Variants in LIMS1 observed in about 807,000 individuals in gnomAD.
LIMS1 encodes LIM zinc finger domain containing 1.
A neutral mutation model predicts 44.1 loss-of-function variants in LIMS1; 18 were observed. The ratio of observed to expected loss-of-function variants is 0.41; its 90% CI spans 0.28 to 0.61. The LOEUF is 0.61. Among genes scored for constraint, LIMS1 ranks in the 20% least tolerant of loss-of-function variants. LIMS1 has a pLI of 0.32. For missense variants in LIMS1, 201 were observed against 422.0 expected, an observed-to-expected ratio of 0.48 and a Z score of 4.59; for synonymous variants, 93 against 149.1, an observed-to-expected ratio of 0.62 and a Z score of 2.74.
intron 1 of LIMS1, among the ~76,000 whole-genome samples, chr2:108,640,796 T>C (rs1303356252): frequency 7.9e-5 from 12 of 152,240 alleles, no homozygotes; most frequent in Non-Finnish European, 2.9e-5. Context: ...TTTAGAACTT[T>C]CACAATCCTC....
chr2:108,552,841 G>A (rs1010709179), intron 1 of LIMS1, among the ~76,000 whole-genome samples: 2 of 152,028 alleles, frequency 1.3e-5, no homozygotes, highest in African/African-American at 4.8e-5. Flanking sequence ...GCCTCCCAAA[G>A]TGCTGGAATT....
At chr2:108,673,318 T>G (rs1558840821) in intron 5 of LIMS1, 1 of 494,920 alleles carries the variant, frequency 2.0e-6, no homozygotes, top group Non-Finnish European at 3.6e-6. Flanking sequence ...CTAAAATTTC[T>G]CATGAGTCCC....
intron 1 of LIMS1, among the ~76,000 whole-genome samples, chr2:108,572,318 C>T (rs1213105905): frequency 6.6e-6 from 1 of 151,188 alleles, no homozygotes; most frequent in African/African-American, 2.4e-5. Flanking sequence ...GTTGTTACCA[C>T]AGTCAAGAAA....
rs752429615 is a variant in LIMS1, at chr2:108,670,806, A to T, written c.218A>T (p.His73Leu). 3.1e-6 allele frequency: 5 copies of T among 1,611,766 alleles called. No individual in the cohort carries two copies. Among genetic ancestry groups the T allele is most frequent in the Non-Finnish European group, 4.2e-6 (5 of 1,179,770 alleles). Reference sequence around the variant, plus strand: ...TTTGAAGGAAGAAAGTACTGTGAACATGACTTTCAGATGCTCTTTGCCCCT... The same window carrying T: ...TTTGAAGGAAGAAAGTACTGTGAACTTGACTTTCAGATGCTCTTTGCCCCT... The change falls in exon 3 of 10, where the codon CAT becomes CTT. Residue 73 changes from histidine (H) to leucine (L), a missense_variant. Transcript: ENST00000544547.
At chr2:108,680,883 T>G (rs1281659669) in intron 9 of LIMS1, 113 bp downstream of exon 9, 2 of 1,445,448 alleles carry the variant, frequency 1.4e-6, no homozygotes, top group African/African-American at 2.9e-5. Flanking sequence ...TTATTTCCTC[T>G]TTCTGTTCAG....
At chr2:108,660,770 C>G (rs1442360791) in intron 2 of LIMS1, 3 of 183,130 alleles carry the variant, frequency 1.6e-5, no homozygotes, top group Admixed American at 1.6e-4. Context: ...GGGGGATAAT[C>G]TAGAAATGCT....
intron 1 of LIMS1, among the ~76,000 whole-genome samples, chr2:108,611,862 TATATATACACATATATATAAA>T (rs895613867): frequency 6.0e-5 from 8 of 133,258 alleles, no homozygotes; most frequent in African/African-American, 2.3e-4. Context: ...TATACACACA[TATATATACACATATATATAAA>T]ATATATACAC....
At chr2:108,669,945 A>G (rs1202633264) in intron 2 of LIMS1, among the ~76,000 whole-genome samples, 1 of 152,192 alleles carries the variant, frequency 6.6e-6, no homozygotes, top group East Asian at 1.9e-4. Context: ...AATCATTCTA[A>G]TGATAATACA....
At chr2:108,588,401 A>G (rs755374458) in intron 1 of LIMS1, 64 of 985,302 alleles carry the variant, frequency 6.5e-5, no homozygotes, top group Non-Finnish European at 7.5e-5. Flanking sequence ...CAGTGATGTG[A>G]AACTGGCCTC....
At chr2:108,642,342 G>GTTTTTTTTTTTTTTTTT (rs764932432) in intron 1 of LIMS1, among the ~76,000 whole-genome samples, 19 of 14,978 alleles carry the variant, frequency 1.3e-3, no homozygotes, top group African/African-American at 1.9e-3. Flanking sequence ...AGTGTTTTTT[G>GTTTTTTTTTTTTTTTTT]TTTTTTTTTT....
chr2:108,664,493 A>G (rs1444082881), intron 2 of LIMS1, among the ~76,000 whole-genome samples: 1 of 152,206 alleles, frequency 6.6e-6, no homozygotes, highest in Non-Finnish European at 1.5e-5. Flanking sequence ...GGACCATACT[A>G]ATTTGGACCA....
At chr2:108,617,596 A>C (rs1475643490) in intron 1 of LIMS1, among the ~76,000 whole-genome samples, 1 of 152,222 alleles carries the variant, frequency 6.6e-6, no homozygotes, top group Non-Finnish European at 1.5e-5. Flanking sequence ...TAAAACATAA[A>C]GCTTGTTTAA....
rs916999816 is a variant in LIMS1, at chr2:108,569,506, T to C, written c.32+34912T>C. 2.0e-5 allele frequency among the ~76,000 whole-genome samples: 3 copies of C among 152,166 alleles called. No individual in the cohort carries two copies. The South Asian group carries it at 6.2e-4, about 32-fold the overall frequency. ...TTTTTAGTCCATTTTGAGTTAATTT[T>C]TGTATATAATTCATTCTTTTGAATG... On this transcript the variant is annotated intron_variant, in intron 1 of 9. Transcript: ENST00000544547.
At chr2:108,612,471 C>CTTT (rs1271414469) in intron 1 of LIMS1, among the ~76,000 whole-genome samples, 1 of 143,636 alleles carries the variant, frequency 7.0e-6, no homozygotes, top group Non-Finnish European at 1.5e-5. Context: ...TAGAATCTGC[C>CTTT]TTTTTTTTTT....
intron 2 of LIMS1, among the ~76,000 whole-genome samples, chr2:108,660,970 G>A (rs1218209365): frequency 3.6e-5 from 5 of 139,866 alleles, no homozygotes; most frequent in African/African-American, 1.4e-4. Flanking sequence ...TTGCCTAGCA[G>A]ATTTTTATGT....
At chr2:108,551,533 G>A (rs1183166929) in intron 1 of LIMS1, among the ~76,000 whole-genome samples, 1 of 124,260 alleles carries the variant, frequency 8.0e-6, no homozygotes, top group Non-Finnish European at 1.7e-5. Flanking sequence ...ACACACACAC[G>A]AGACCTCTGT....
At position 108,623,218 on chromosome 2, in the gene LIMS1, A is replaced by C. The variant is rs826687; in HGVS notation, c.33-36387A>C. On this transcript the variant is annotated intron_variant, in intron 1 of 9. Transcript: ENST00000544547. ...TAAACCATTGTCTGTTTATGCCTGGATTTTTTTTTTAATCAGCTTAGGTGT... is the reference window on the plus strand; with the variant it reads ...TAAACCATTGTCTGTTTATGCCTGGCTTTTTTTTTTAATCAGCTTAGGTGT... Among the ~76,000 whole-genome samples, 162 of 59,704 alleles carry C rather than the reference A, an allele frequency of 2.7e-3. 1 individual carries two copies. Among genetic ancestry groups the C allele is most frequent in the Middle Eastern group, 0.016 (1 of 64 alleles). The allele number at this position is 59,704 out of a possible 152,430, so 39.2% of individuals were successfully genotyped here. A position where few individuals can be genotyped will look rare whatever the true frequency, so the allele number is the denominator to read the frequency against.
intron 1 of LIMS1, among the ~76,000 whole-genome samples, chr2:108,593,036 A>G (rs1686486833): frequency 6.6e-6 from 1 of 152,144 alleles, no homozygotes; most frequent in Non-Finnish European, 1.5e-5. Flanking sequence ...ATTCTTTTGG[A>G]TATATACCCA....
intron 1 of LIMS1, among the ~76,000 whole-genome samples, chr2:108,564,080 T>C (rs1472070813): frequency 6.7e-6 from 1 of 148,604 alleles, no homozygotes; most frequent in Non-Finnish European, 1.5e-5. Context: ...GAAAGAAACA[T>C]TGTTTGCCAC....
Sources: allele counts gnomAD v4.1 joint callset (sites outside exome capture counted in the v4.1 genomes callset), GRCh38; gene constraint gnomAD v4.1.1; transcripts MANE v1.5; gene names NCBI Gene and HGNC (gene_info 2026-07-23, HGNC 2026-07-21).